HSPA12A: variants seen among roughly 807,000 people sequenced by gnomAD.
The protein encoded by HSPA12A is heat shock 70 kDa protein 12A.
A neutral mutation model predicts 69.2 loss-of-function variants in HSPA12A; 28 were observed. That is an observed-to-expected ratio of 0.40 (90% CI 0.30 to 0.55). HSPA12A has a LOEUF of 0.55. Among genes scored for constraint, HSPA12A ranks in the 20% least tolerant of loss-of-function variants. The pLI is 0.38. For synonymous variants in HSPA12A, 345 were observed against 370.5 expected, an observed-to-expected ratio of 0.93 and a Z score of 0.79; for missense variants, 686 against 900.7, an observed-to-expected ratio of 0.76 and a Z score of 3.05.
intron 1 of HSPA12A, among the ~76,000 whole-genome samples, chr10:116,848,181 G>A (rs996968452): frequency 1.3e-5 from 2 of 152,250 alleles, no homozygotes; most frequent in African/African-American, 4.8e-5. Flanking sequence ...TGGTGGATGT[G>A]AAGGTAACAC....
intron 1 of HSPA12A, among the ~76,000 whole-genome samples, chr10:116,720,062 G>A (rs1850725864): frequency 6.6e-6 from 1 of 152,222 alleles, no homozygotes; most frequent in Non-Finnish European, 1.5e-5. Flanking sequence ...AGTGGTGACG[G>A]TTGCACAATC....
Position 116,679,612 on chromosome 10 carries a change from C to A in HSPA12A, c.1177G>T (p.Ala393Ser). 3 of 1,614,242 alleles carry A rather than the reference C, an allele frequency of 1.9e-6. No individual in the cohort carries two copies. Among genetic ancestry groups the A allele is most frequent in the Non-Finnish European group, 2.5e-6 (3 of 1,180,048 alleles). ...MIAFESRKRAAAPDRTNPLNI... is the reference protein window; with the variant it reads ...MIAFESRKRASAPDRTNPLNI... ...AGCGGGTTAGTTCTGTCTGGGGCAG[C>A]CGCCCTTTTGCGAGACTCAAACGCA... The change falls in exon 10 of 12, where the codon GCT (alanine) becomes TCT (serine). Residue 393 changes from alanine (A) to serine (S), a missense_variant. Physicochemically the swap from Ala to Ser is moderately conservative, Grantham distance 99. Coordinates refer to ENST00000369209, the MANE Select transcript of HSPA12A (RefSeq NM_025015.3).
At chr10:116,787,798 G>A (rs1424535652) in intron 2 of HSPA12A, among the ~76,000 whole-genome samples, 1 of 152,172 alleles carries the variant, frequency 6.6e-6, no homozygotes, top group Non-Finnish European at 1.5e-5. Flanking sequence ...CCTGGCAGCC[G>A]CTTGGCACAA....
At chr10:116,788,781 TCA>T (rs1185195422) in intron 2 of HSPA12A, among the ~76,000 whole-genome samples, 1 of 152,068 alleles carries the variant, frequency 6.6e-6, no homozygotes, top group Non-Finnish European at 1.5e-5. Flanking sequence ...ACAGATAAAC[TCA>T]CATAAATGAG....
At chr10:116,850,017 G>C, upstream of HSPA12A, 1 of 594,058 alleles carries the variant, frequency 1.7e-6, no homozygotes, top group Non-Finnish European at 3.0e-6. Flanking sequence ...AGGCTTCCTC[G>C]CTGCCTAAGA....
At chr10:116,749,124 G>A (rs1384338989) in intron 2 of HSPA12A, among the ~76,000 whole-genome samples, 1 of 152,030 alleles carries the variant, frequency 6.6e-6, no homozygotes, top group Non-Finnish European at 1.5e-5. Flanking sequence ...ATTTCTCCAC[G>A]GCACTTTTAT....
At chr10:116,760,721 C>A (rs1160098284) in intron 2 of HSPA12A, among the ~76,000 whole-genome samples, 3 of 152,186 alleles carry the variant, frequency 2.0e-5, no homozygotes, top group African/African-American at 7.2e-5. Flanking sequence ...TGCGTAATTA[C>A]ACAGAATGAT....
At chr10:116,833,908 C>T (rs1450098551) in intron 2 of HSPA12A, among the ~76,000 whole-genome samples, 1 of 152,188 alleles carries the variant, frequency 6.6e-6, no homozygotes, top group African/African-American at 2.4e-5. Flanking sequence ...AGAAAAAAAT[C>T]TAGCATCTGG....
chr10:116,812,406 T>A lies in HSPA12A; in HGVS notation c.91+22529A>T, dbSNP rs140683467. Among the ~76,000 whole-genome samples, 987 of 151,932 alleles carry A rather than the reference T, an allele frequency of 6.5e-3. 2 individuals carry two copies. Among genetic ancestry groups the A allele is most frequent in the Middle Eastern group, 0.031 (9 of 294 alleles). Reference sequence around the variant, plus strand: ...AGGCAGAGGATGCAGCGAGTCGAAATTGCAGCATTGCACTCCAGCCTAGGC... The same window carrying A: ...AGGCAGAGGATGCAGCGAGTCGAAAATGCAGCATTGCACTCCAGCCTAGGC... On this transcript the variant is annotated intron_variant, in intron 2 of 12. Transcript: ENST00000635765.
chr10:116,723,099 CCAT>C lies in HSPA12A; in HGVS notation c.41-15817_41-15815del, dbSNP rs1850832180. 6.6e-6 allele frequency among the ~76,000 whole-genome samples: 1 copy of C among 152,160 alleles called. No homozygotes were observed. Among genetic ancestry groups the C allele is most frequent in the African/African-American group, 2.4e-5 (1 of 41,432 alleles). The stretch of plus-strand genomic sequence containing the variant: ...CCACTGGATCACATCACAACCACCA[CCAT>C]CATCATGTCACTCCCAGCCTCAAGC... On this transcript the variant is annotated intron_variant, in intron 1 of 11. Coordinates refer to ENST00000369209, the MANE Select transcript of HSPA12A (RefSeq NM_025015.3). The surrounding 1 kb of genome is among the most constrained non-coding windows in gnomAD (Gnocchi z 4.1).
At chr10:116,679,798 A>C in intron 9 of HSPA12A, 37 bp from the exon 10 acceptor site, 1 of 1,599,738 alleles carries the variant, frequency 6.3e-7, no homozygotes, top group Non-Finnish European at 8.5e-7. Flanking sequence ...ATGGTGTTAA[A>C]AACCATTAGA....
In HSPA12A at chr10:116,674,430, C is replaced by T. The variant is rs1337947614; in HGVS notation, c.*351G>A. On this transcript the variant is annotated 3_prime_UTR_variant, in exon 12 of 12. Transcript: ENST00000369209. ...ATCTAGAAAGACAGCAATAGGGCATCCTAAATTCTACATAACGGAGATCTG... is the reference window on the plus strand; with the variant it reads ...ATCTAGAAAGACAGCAATAGGGCATTCTAAATTCTACATAACGGAGATCTG... 1 of 223,616 alleles carries T rather than the reference C, an allele frequency of 4.5e-6. No individual in the cohort carries two copies. Among genetic ancestry groups the T allele is most frequent in the Non-Finnish European group, 8.9e-6 (1 of 112,592 alleles). 13.9% of individuals were successfully genotyped at this position (223,616 alleles called of 1,614,324 possible). A position where few individuals can be genotyped will look rare whatever the true frequency, so the allele number is the denominator to read the frequency against.
chr10:116,730,286 C>T (rs1461393233), intron 1 of HSPA12A, among the ~76,000 whole-genome samples: 5 of 152,138 alleles, frequency 3.3e-5, no homozygotes, highest in East Asian at 3.9e-4. Flanking sequence ...AGAACCAACC[C>T]GTGAAGTGCT....
chr10:116,785,547 C>T (rs1016190748), intron 2 of HSPA12A, among the ~76,000 whole-genome samples: 4 of 152,106 alleles, frequency 2.6e-5, no homozygotes, highest in African/African-American at 9.7e-5. Context: ...CTCTAAGCCT[C>T]CACCTCAATG....
chr10:116,782,026 C>T (rs1195986427), intron 2 of HSPA12A, among the ~76,000 whole-genome samples: 1 of 152,138 alleles, frequency 6.6e-6, no homozygotes, highest in African/African-American at 2.4e-5. Context: ...AAAACTCCTA[C>T]AAGTCAATTT....
intron 1 of HSPA12A, among the ~76,000 whole-genome samples, chr10:116,720,183 G>T (rs1222957212): frequency 6.6e-6 from 1 of 152,150 alleles, no homozygotes; most frequent in Non-Finnish European, 1.5e-5. Context: ...AAGGAGAAGT[G>T]CCCCTGTCCC....
chr10:116,727,059 T>G (rs2133039259), intron 1 of HSPA12A, among the ~76,000 whole-genome samples: 1 of 152,324 alleles, frequency 6.6e-6, no homozygotes, highest in South Asian at 2.1e-4. Context: ...GAACAGACAT[T>G]AACACTTTTA....
At chr10:116,745,197 G>A (rs1474179365), upstream of HSPA12A, among the ~76,000 whole-genome samples, 1 of 152,242 alleles carries the variant, frequency 6.6e-6, no homozygotes, top group African/African-American at 2.4e-5. Flanking sequence ...CTGCATCTCT[G>A]TGTCTAGAAC....
At chr10:116,689,464 A>G (rs1849672778) in intron 6 of HSPA12A, among the ~76,000 whole-genome samples, 1 of 152,144 alleles carries the variant, frequency 6.6e-6, no homozygotes, top group Non-Finnish European at 1.5e-5. Context: ...AGAAGGAGAC[A>G]GATGACCACC....
Sources: gnomAD v4.1 joint callset for allele counts (sites outside exome capture counted in the v4.1 genomes callset) on GRCh38, gnomAD v4.1.1 for gene constraint, Gnocchi (gnomAD v3.1) non-coding constraint, MANE v1.5 for transcripts, NCBI Gene and HGNC (gene_info 2026-07-23, HGNC 2026-07-21) for gene names.